CLTA: variants seen among roughly 807,000 people sequenced by gnomAD.
CLTA encodes the protein clathrin, light polypeptide (Lca).
Under a neutral mutation model 26.9 loss-of-function variants are expected in CLTA, and 9 were observed. That is an observed-to-expected ratio of 0.33 (90% CI 0.20 to 0.58). The LOEUF is 0.58. CLTA is among the 20% of genes least tolerant of loss of function. CLTA has a pLI of 0.85. For synonymous variants in CLTA, 120 were observed against 115.5 expected, an observed-to-expected ratio of 1.04 and a Z score of -0.25; for missense variants, 278 against 294.2, an observed-to-expected ratio of 0.94 and a Z score of 0.40.
chr9:36,209,564 C>G (rs1241318766), intron 4 of CLTA, among the ~76,000 whole-genome samples: 1 of 152,092 alleles, frequency 6.6e-6, no homozygotes, highest in Admixed American at 6.5e-5. Context: ...AAAGCTAACT[C>G]GCTTTCAAAA....
At chr9:36,201,141 T>C (rs754679948) in intron 3 of CLTA, among the ~76,000 whole-genome samples, 34 of 152,250 alleles carry the variant, frequency 2.2e-4, no homozygotes, top group Non-Finnish European at 4.1e-4. Context: ...GTTTTCTTAA[T>C]TCAAAGTGCT....
At chr9:36,192,104 A>G (rs185188582) in intron 1 of CLTA, among the ~76,000 whole-genome samples, 1 of 152,196 alleles carries the variant, frequency 6.6e-6, no homozygotes, top group African/African-American at 2.4e-5. Flanking sequence ...GAAAAGACCT[A>G]CTTAATAATA....
chr9:36,196,268 G>A (rs1827024486), intron 1 of CLTA, among the ~76,000 whole-genome samples: 1 of 145,932 alleles, frequency 6.9e-6, no homozygotes, highest in South Asian at 2.2e-4. Context: ...GGGCAACAGA[G>A]CAAGACTCTC....
chr9:36,200,182 CTTTG>C (rs1390571219), intron 3 of CLTA, among the ~76,000 whole-genome samples: 1 of 152,042 alleles, frequency 6.6e-6, no homozygotes, highest in Non-Finnish European at 1.5e-5. Context: ...GTGGCCTTTT[CTTTG>C]TTTTTTCTTT....
intron 1 of CLTA, among the ~76,000 whole-genome samples, chr9:36,193,537 T>TAC (rs1826856861): frequency 6.7e-6 from 1 of 149,674 alleles, no homozygotes; most frequent in South Asian, 2.2e-4. Context: ...TGCTTACAGT[T>TAC]ATATTAAGTA....
At chr9:36,192,487 C>T (rs1348188051) in intron 1 of CLTA, among the ~76,000 whole-genome samples, 1 of 152,132 alleles carries the variant, frequency 6.6e-6, no homozygotes, top group Non-Finnish European at 1.5e-5. Context: ...AAATCAGTCC[C>T]CCAATAAGAA....
chr9:36,195,817 A>C (rs964439829), intron 1 of CLTA, among the ~76,000 whole-genome samples: 5 of 151,254 alleles, frequency 3.3e-5, no homozygotes, highest in African/African-American at 4.9e-5. Flanking sequence ...AAAATACAAA[A>C]ATTAGCCGGG....
At chr9:36,207,386 G>A (rs1209175729) in intron 4 of CLTA, among the ~76,000 whole-genome samples, 1 of 152,222 alleles carries the variant, frequency 6.6e-6, no homozygotes, top group Non-Finnish European at 1.5e-5. Flanking sequence ...TAGCACTTGT[G>A]CTTGTCAGCT....
chr9:36,198,267 G>C (rs1480071709), intron 2 of CLTA, among the ~76,000 whole-genome samples: 1 of 151,818 alleles, frequency 6.6e-6, no homozygotes, highest in Non-Finnish European at 1.5e-5. Context: ...CAAAGTGCTG[G>C]GATTACAGGC....
In CLTA at chr9:36,202,130, TTACTG is replaced by T. The variant is rs577032153; in HGVS notation, c.374-1935_374-1931del. Among the ~76,000 whole-genome samples the T allele has an allele frequency of 1.1e-3, 168 of 152,128 alleles. 1 individual carries two copies. The highest frequency in any genetic ancestry group is 3.8e-3 in the African/African-American group (156 of 41,508). On this transcript the variant is annotated intron_variant, in intron 3 of 4. Transcript: ENST00000345519. ...TATCTCAAATAAAACAAAAAAAAGT[TTACTG>T]TATATACTTTAGAGTCATCAGTGAA...
intron 4 of CLTA, among the ~76,000 whole-genome samples, chr9:36,206,007 T>G (rs1450057831): frequency 1.3e-5 from 2 of 152,016 alleles, no homozygotes; most frequent in African/African-American, 4.8e-5. Context: ...TGATCTGCCT[T>G]CCTTGGCCTC....
At chr9:36,209,201 C>T in intron 4 of CLTA, 3 of 1,602,024 alleles carry the variant, frequency 1.9e-6, no homozygotes, top group South Asian at 1.1e-5. Flanking sequence ...TTAGATGTTT[C>T]TGCTTCTCAA....
At chr9:36,210,707 T>G (rs1416209369) in intron 4 of CLTA, 2 of 1,611,844 alleles carry the variant, frequency 1.2e-6, no homozygotes, top group Admixed American at 3.3e-5. Context: ...TGCCATGAAG[T>G]CGCAGTGTTG....
At chr9:36,211,515 A>G in intron 4 of CLTA, 88 bp from the exon 5 acceptor site, 1 of 1,493,486 alleles carries the variant, frequency 6.7e-7, no homozygotes, top group South Asian at 1.3e-5. Flanking sequence ...GAAAGGGACA[A>G]ATAGGCAGTT....
At chr9:36,191,586 G>T (rs932536938) in intron 1 of CLTA, among the ~76,000 whole-genome samples, 1 of 152,166 alleles carries the variant, frequency 6.6e-6, no homozygotes, top group African/African-American at 2.4e-5. Context: ...CCTTTAGTCC[G>T]GTCTCTGAAG....
At chr9:36,193,657 A>G (rs1233361606) in intron 1 of CLTA, among the ~76,000 whole-genome samples, 1 of 152,176 alleles carries the variant, frequency 6.6e-6, no homozygotes, top group Non-Finnish European at 1.5e-5. Flanking sequence ...TTTCTGATGT[A>G]TTATACAGAG....
intron 3 of CLTA, among the ~76,000 whole-genome samples, 192 bp downstream of exon 3, chr9:36,199,288 G>T (rs1049981095): frequency 2.6e-5 from 4 of 152,074 alleles, no homozygotes; most frequent in Non-Finnish European, 5.9e-5. Context: ...TGAGGAGTAG[G>T]GTAGCCGGAG....
At chr9:36,207,434 C>T (rs943382921) in intron 4 of CLTA, among the ~76,000 whole-genome samples, 1 of 152,238 alleles carries the variant, frequency 6.6e-6, no homozygotes, top group Non-Finnish European at 1.5e-5. Flanking sequence ...ACCCACAGTT[C>T]TCAGAGATGG....
intron 4 of CLTA, among the ~76,000 whole-genome samples, chr9:36,209,849 G>A (rs1401043351): frequency 6.6e-6 from 1 of 152,202 alleles, no homozygotes; most frequent in African/African-American, 2.4e-5. Flanking sequence ...TCAGGCAGAA[G>A]AGTCCAGAGC....
Sources: allele counts gnomAD v4.1 joint callset (sites outside exome capture counted in the v4.1 genomes callset), GRCh38; gene constraint gnomAD v4.1.1; transcripts MANE v1.5; gene names NCBI Gene and HGNC (gene_info 2026-07-23, HGNC 2026-07-21).